Variants in ELOVL6 observed in about 807,000 individuals in gnomAD.
ELOVL6 encodes ELOVL fatty acid elongase 6, also known as very long chain fatty acid elongase 6.
A neutral mutation model predicts 31.7 loss-of-function variants in ELOVL6; 8 were observed. That is an observed-to-expected ratio of 0.25 (90% CI 0.15 to 0.45). The LOEUF (loss-of-function observed/expected upper bound fraction) is 0.45. ELOVL6 is among the 20% of genes least tolerant of loss of function. The pLI is 1.00. For synonymous variants in ELOVL6, 101 were observed against 117.7 expected (o/e 0.86, Z 0.92); for missense variants, 126 against 326.4 (o/e 0.39, Z 4.73).
chr4:110,175,681 G>C (rs904283081), intron 1 of ELOVL6, among the ~76,000 whole-genome samples: 1 of 152,168 alleles, frequency 6.6e-6, no homozygotes, highest in Non-Finnish European at 1.5e-5. Context: ...AGCTGAACAA[G>C]GATCAGAACT....
At chr4:110,065,418 A>G (rs1372426595) in intron 2 of ELOVL6, among the ~76,000 whole-genome samples, 1 of 152,178 alleles carries the variant, frequency 6.6e-6, no homozygotes, top group Non-Finnish European at 1.5e-5. Flanking sequence ...CTTAAGCCCA[A>G]CAGTTTGAAG....
At chr4:110,135,363 G>GT (rs2126259061) in intron 1 of ELOVL6, among the ~76,000 whole-genome samples, 1 of 152,292 alleles carries the variant, frequency 6.6e-6, no homozygotes, top group African/African-American at 2.4e-5. Context: ...AATAACTTGC[G>GT]TAAGTTTGCA....
rs1220071580 is a variant in ELOVL6 at position 110,169,231 on chromosome 4, G to GTTT, written c.89+29013_89+29015dup. ...CACCCGACCCCAACAGAGTTTTGGG[G>GTTT]TTTTTTGTTTTGTTTTTTTTTTTTT... is the stretch of plus-strand genomic sequence containing the variant. On this transcript the variant is annotated intron_variant, in intron 1 of 3. Transcript: ENST00000302274. 3.6e-4 allele frequency among the ~76,000 whole-genome samples: 42 copies of GTTT among 116,408 alleles called. 1 individual carries two copies. The highest frequency in any genetic ancestry group is 1.8e-3 in the South Asian group (7 of 3,824). 76.4% of individuals were successfully genotyped at this position (116,408 alleles called of 152,430 possible).
intron 1 of ELOVL6, among the ~76,000 whole-genome samples, chr4:110,117,020 T>C (rs1404149350): frequency 6.6e-6 from 1 of 152,226 alleles, no homozygotes; most frequent in African/African-American, 2.4e-5. Flanking sequence ...ATCCCCAGAA[T>C]TCAATCTGTG....
rs33925081 is a variant in ELOVL6, at chr4:110,167,653, T to TTATGTATG, written c.89+30586_89+30593dup. On this transcript the variant is annotated intron_variant, in intron 1 of 3. Transcript: ENST00000302274. ...TACAGGGTGCCTGCCACCACCTCAG[T>TTATGTATG]TATGTATGTATGTATGTATGTATGT... Among the ~76,000 whole-genome samples the TTATGTATG allele has an allele frequency of 1.3e-3, 187 of 139,618 alleles. 2 individuals are homozygous for TTATGTATG. Among genetic ancestry groups the TTATGTATG allele is most frequent in the Middle Eastern group, 7.1e-3 (2 of 282 alleles). The allele number at this position is 139,618 out of a possible 152,430, so 91.6% of individuals were successfully genotyped here. A position where few individuals can be genotyped will look rare whatever the true frequency, so the allele number is the denominator to read the frequency against.
chr4:110,176,605 G>A (rs1205187147), intron 1 of ELOVL6, among the ~76,000 whole-genome samples: 2 of 152,112 alleles, frequency 1.3e-5, no homozygotes, highest in African/African-American at 4.8e-5. Context: ...ATAACTTATA[G>A]CCAACCCAAT....
At chr4:110,101,126 A>C (rs901604500) in intron 2 of ELOVL6, among the ~76,000 whole-genome samples, 1 of 152,140 alleles carries the variant, frequency 6.6e-6, no homozygotes, top group African/African-American at 2.4e-5. Flanking sequence ...TGCAACCTCC[A>C]CCTCCAGGGT....
rs1553956743 is a variant in ELOVL6 at position 110,090,600 on chromosome 4, C to CTTTTTTGTTTTTTTTG, written c.221+14896_221+14897insCAAAAAAAACAAAAAA. 4.8e-5 allele frequency among the ~76,000 whole-genome samples: 5 copies of CTTTTTTGTTTTTTTTG among 103,714 alleles called. 1 individual carries two copies. Among genetic ancestry groups the CTTTTTTGTTTTTTTTG allele is most frequent in the African/African-American group, 2.1e-4 (5 of 23,348 alleles). The allele number at this position is 103,714 out of a possible 152,430, so 68.0% of individuals were successfully genotyped here. A position where few individuals can be genotyped will look rare whatever the true frequency, so the allele number is the denominator to read the frequency against. ...GGAACTTACAGGAAAGTTTGACTTT[C>CTTTTTTGTTTTTTTTG]TTTTTTTTTTTTTTTTTTTTCATGA... On this transcript the variant is annotated intron_variant, in intron 2 of 3. Transcript: ENST00000302274.
intron 1 of ELOVL6, among the ~76,000 whole-genome samples, chr4:110,169,302 G>A (rs187763505): frequency 2.0e-5 from 3 of 150,358 alleles, no homozygotes; most frequent in East Asian, 2.0e-4. Context: ...GCAGTGGTGC[G>A]ATCTCGGCTC....
At chr4:110,053,112 T>G (rs1754878556) in intron 3 of ELOVL6, among the ~76,000 whole-genome samples, 1 of 152,144 alleles carries the variant, frequency 6.6e-6, no homozygotes, top group South Asian at 2.1e-4. Context: ...TTAAAAAAAC[T>G]TTTTTAGTAG....
chr4:110,100,668 C>T lies in ELOVL6; in HGVS notation c.221+4829G>A, dbSNP rs78656242. On this transcript the variant is annotated intron_variant, in intron 2 of 3. Coordinates refer to ENST00000302274, the MANE Select transcript of ELOVL6 (RefSeq NM_024090.3). ...GAAATTATTCCTAAGCAGTGAAATACACAAAAATTCCTCTTTTTGGTGATT... is the reference window on the plus strand; with the variant it reads ...GAAATTATTCCTAAGCAGTGAAATATACAAAAATTCCTCTTTTTGGTGATT... 2.9e-3 allele frequency among the ~76,000 whole-genome samples: 443 copies of T among 152,294 alleles called. 4 individuals carry two copies. Among genetic ancestry groups the T allele is most frequent in the Non-Finnish European group, 4.7e-3 (317 of 68,020 alleles).
chr4:110,120,798 CTTTTTTTTTTTTTTT>C (rs1008949209), intron 1 of ELOVL6, among the ~76,000 whole-genome samples: 2 of 117,872 alleles, frequency 1.7e-5, no homozygotes, highest in South Asian at 2.9e-4. Flanking sequence ...TTTTTCTTTT[CTTTTTTTTTTTTTTT>C]TTTTTGAAAC....
chr4:110,130,477 C>T (rs577508116), intron 1 of ELOVL6, among the ~76,000 whole-genome samples: 3 of 152,180 alleles, frequency 2.0e-5, no homozygotes, highest in South Asian at 2.1e-4. Flanking sequence ...GCATTCTGGC[C>T]GTAATTATTC....
chr4:110,158,657 A>ATATATTT, intron 1 of ELOVL6, among the ~76,000 whole-genome samples: 3 of 74,162 alleles, frequency 4.0e-5, no homozygotes, highest in African/African-American at 1.7e-4. Flanking sequence ...ATATATATAT[A>ATATATTT]TTTTTTTTTT....
At chr4:110,117,903 A>AAATATATATATATAT in intron 1 of ELOVL6, 2 of 6,500 alleles carry the variant, frequency 3.1e-4, no homozygotes, top group East Asian at 6.3e-3. Flanking sequence ...AAAAAAAAAA[A>AAATATATATATATAT]ATATATATAT....
chr4:110,117,924 A>ATATATATATATATATATATATATATATC (rs1357550939), intron 1 of ELOVL6: 1 of 22,632 alleles, frequency 4.4e-5, no homozygotes, highest in African/African-American at 3.2e-4. Context: ...ATATATATAT[A>ATATATATATATATATATATATATATATC]TCTCCCCAGA....
chr4:110,074,732 A>T (rs866388382), intron 2 of ELOVL6, among the ~76,000 whole-genome samples: 5 of 152,162 alleles, frequency 3.3e-5, no homozygotes, highest in Middle Eastern at 3.2e-3. Flanking sequence ...TACATAATAA[A>T]CATTTTTTAA....
chr4:110,126,241 G>A (rs998853116), intron 1 of ELOVL6, among the ~76,000 whole-genome samples: 3 of 152,008 alleles, frequency 2.0e-5, no homozygotes, highest in Admixed American at 6.6e-5. Flanking sequence ...ATGAGGTTTT[G>A]CCATGTTGCC....
At chr4:110,106,887 C>A (rs953167851) in intron 1 of ELOVL6, among the ~76,000 whole-genome samples, 1 of 152,156 alleles carries the variant, frequency 6.6e-6, no homozygotes, top group African/African-American at 2.4e-5. Flanking sequence ...AATCCACAAA[C>A]TTCTATAATA....
Sources: gnomAD v4.1 joint callset for allele counts (sites outside exome capture counted in the v4.1 genomes callset) on GRCh38, gnomAD v4.1.1 for gene constraint, MANE v1.5 for transcripts, NCBI Gene and HGNC (gene_info 2026-07-23, HGNC 2026-07-21) for gene names.